The following DIS3L2 variants were observed in gnomAD, a reference collection of about 807,000 sequenced individuals.
DIS3L2 encodes DIS3-like exonuclease 2.
A neutral mutation model predicts 97.5 loss-of-function variants in DIS3L2; 34 were observed. The ratio of observed to expected loss-of-function variants is 0.35; its 90% CI spans 0.27 to 0.46. DIS3L2 has a LOEUF of 0.46. Among genes scored for constraint, DIS3L2 ranks in the 20% least tolerant of loss-of-function variants. DIS3L2 has a pLI of 1.00. For missense variants in DIS3L2, 1,038 were observed against 1,146.0 expected (o/e 0.91, Z 1.36); for synonymous variants, 435 against 445.2 (o/e 0.98, Z 0.29).
intron 7 of DIS3L2, 145 bp from the exon 8 acceptor site, chr2:232,136,327 A>G (rs895869184): frequency 4.1e-6 from 4 of 974,600 alleles, no homozygotes; most frequent in Non-Finnish European, 4.6e-6. Context: ...TTACTAAGTC[A>G]CAGATCATCA....
At position 232,255,888 on chromosome 2, in the gene DIS3L2, C is replaced by G. The variant is rs192188637; in HGVS notation, c.1425+6542C>G. Among the ~76,000 whole-genome samples, 5 of 152,340 alleles carry G rather than the reference C, an allele frequency of 3.3e-5. No individual in the cohort carries two copies. In the East Asian group the frequency reaches 7.7e-4, roughly 24 times the overall value. On this transcript the variant is annotated intron_variant, in intron 12 of 20. Transcript: ENST00000325385. The stretch of plus-strand genomic sequence containing the variant: ...CTCTCATGCTACATCTGCATCCAGT[C>G]TGCCAGTGTGTCATCGCTGCTTTGC...
intron 5 of DIS3L2, among the ~76,000 whole-genome samples, chr2:232,038,180 C>T (rs993671672): frequency 6.6e-6 from 1 of 152,098 alleles, no homozygotes; most frequent in Admixed American, 6.5e-5. Flanking sequence ...TTTCTTGAAT[C>T]TAGCATAGTG....
At chr2:232,002,336 C>A (rs543872843) in intron 1 of DIS3L2, among the ~76,000 whole-genome samples, 1 of 152,122 alleles carries the variant, frequency 6.6e-6, no homozygotes, top group South Asian at 2.1e-4. Flanking sequence ...CTCAAGATTG[C>A]TTTGCCTATT....
chr2:232,062,402 G>A (rs1695737648), intron 5 of DIS3L2, among the ~76,000 whole-genome samples: 3 of 152,174 alleles, frequency 2.0e-5, no homozygotes, highest in Non-Finnish European at 4.4e-5. Flanking sequence ...TTAGTATAGA[G>A]ATGCTCTTTG....
At chr2:232,183,895 T>C (rs987497810) in intron 9 of DIS3L2, among the ~76,000 whole-genome samples, 1 of 152,046 alleles carries the variant, frequency 6.6e-6, no homozygotes, top group African/African-American at 2.4e-5. Context: ...GTTTTTAGGG[T>C]GCTGTAAACC....
At chr2:232,248,964 A>G (rs1693339629) in intron 11 of DIS3L2, among the ~76,000 whole-genome samples, 1 of 152,366 alleles carries the variant, frequency 6.6e-6, no homozygotes, top group East Asian at 1.9e-4. Context: ...GGTTTAGTAG[A>G]TAATACAATG....
At position 232,333,889 on chromosome 2, in the gene DIS3L2, G is replaced by A. The variant is rs749596505; in HGVS notation, c.2060G>A (p.Arg687Gln). 1.7e-5 allele frequency: 28 copies of A among 1,612,730 alleles called. No individual in the cohort carries two copies. The highest frequency in any genetic ancestry group is 2.7e-5 in the African/African-American group (2 of 74,922). Residue 687 changes from arginine (R) to glutamine (Q), a missense_variant, in exon 17 of 21, where the codon CGG (arginine) becomes CAG (glutamine). Coordinates refer to ENST00000325385, the MANE Select transcript of DIS3L2 (RefSeq NM_152383.5). ...SGLLQDPAQF[R>Q]HYALNVPLYT... ...CTGCTGCAGGACCCAGCGCAGTTCC[G>A]GCACTACGCGCTCAATGTGCCCCTG... is the stretch of plus-strand genomic sequence containing the variant.
chr2:231,982,207 ATGT>A (rs1693283783), intron 1 of DIS3L2, among the ~76,000 whole-genome samples: 3 of 152,152 alleles, frequency 2.0e-5, no homozygotes, highest in African/African-American at 7.2e-5. Flanking sequence ...GTGGGGATTC[ATGT>A]TGTTAATATT....
intron 13 of DIS3L2, among the ~76,000 whole-genome samples, chr2:232,270,860 G>GTCCCCCTCTCTCTCTCTCTC (rs1491319157): frequency 9.6e-6 from 1 of 103,818 alleles, no homozygotes; most frequent in African/African-American, 3.6e-5. Context: ...TCTTTTTCTC[G>GTCCCCCTCTCTCTCTCTCTC]TCTCTCTCTC....
intron 1 of DIS3L2, among the ~76,000 whole-genome samples, chr2:231,997,925 C>T (rs2106199173): frequency 6.6e-6 from 1 of 152,294 alleles, no homozygotes; most frequent in South Asian, 2.1e-4. Flanking sequence ...ATTCCCCAAT[C>T]ATGCCCTTTT....
rs1168736536 is a variant in DIS3L2, at chr2:232,058,254, G to A, written c.366+28174G>A. On this transcript the variant is annotated intron_variant, in intron 5 of 20. Coordinates refer to ENST00000325385, the MANE Select transcript of DIS3L2 (RefSeq NM_152383.5). ...TTTTTCACTTTCTTATTTCAAAATT[G>A]ATGAAACTGGAATGTGCCTCAAGTT... Among the ~76,000 whole-genome samples, 4 of 152,132 alleles carry A rather than the reference G, an allele frequency of 2.6e-5. No individual in the cohort carries two copies. The East Asian group carries it at 5.8e-4, about 22-fold the overall frequency.
intron 5 of DIS3L2, among the ~76,000 whole-genome samples, chr2:232,035,501 T>C (rs1397830751): frequency 1.3e-5 from 2 of 152,228 alleles, no homozygotes; most frequent in Non-Finnish European, 2.9e-5. Flanking sequence ...CATTTACATT[T>C]AAGTTTAATA....
chr2:232,010,261 C>T (rs1489440170), intron 1 of DIS3L2, among the ~76,000 whole-genome samples: 1 of 152,016 alleles, frequency 6.6e-6, no homozygotes, highest in Non-Finnish European at 1.5e-5. Context: ...TATCCTTTCC[C>T]CTGCCCCCTC....
intron 11 of DIS3L2, among the ~76,000 whole-genome samples, chr2:232,245,836 C>G (rs1367192826): frequency 6.6e-6 from 1 of 152,178 alleles, no homozygotes; most frequent in East Asian, 1.9e-4. Flanking sequence ...GTAGCCAAAA[C>G]AGTGTAGCTT....
At position 232,336,512 on chromosome 2, in the gene DIS3L2, A is replaced by C; in HGVS notation, c.2540A>C (p.Glu847Ala). Residue 847 changes from glutamate (E) to alanine (A), a missense_variant, in exon 21 of 21, where the codon GAG becomes GCG. Transcript: ENST00000325385. ...CTGGTGGAGGTGGTCCTGCAGGCAGAGTCCACAGCCCTCAAGTACAGCGCC... is the reference window on the plus strand; with the variant it reads ...CTGGTGGAGGTGGTCCTGCAGGCAGCGTCCACAGCCCTCAAGTACAGCGCC... ...FSLVEVVLQA[E>A]STALKYSAIL... 6.2e-7 allele frequency: 1 copy of C among 1,611,408 alleles called. No individual in the cohort carries two copies. Among genetic ancestry groups the C allele is most frequent in the Non-Finnish European group, 8.5e-7 (1 of 1,179,914 alleles).
intron 10 of DIS3L2, among the ~76,000 whole-genome samples, chr2:232,220,447 G>A (rs900236336): frequency 6.6e-6 from 1 of 152,150 alleles, no homozygotes; most frequent in Non-Finnish European, 1.5e-5. Flanking sequence ...GATGGATCAT[G>A]CCTGTAATCC....
At chr2:232,011,510 G>A (rs1017212678) in intron 1 of DIS3L2, among the ~76,000 whole-genome samples, 5 of 151,780 alleles carry the variant, frequency 3.3e-5, no homozygotes, top group Admixed American at 3.3e-4. Flanking sequence ...GCACCACCAC[G>A]CACACTAATT....
intron 1 of DIS3L2, among the ~76,000 whole-genome samples, chr2:231,986,044 T>C (rs1693403730): frequency 6.6e-6 from 1 of 152,212 alleles, no homozygotes. Context: ...TTCAGTCCGC[T>C]CCTGGTGCCC....
chr2:232,314,127 T>C (rs1184240250), intron 14 of DIS3L2, among the ~76,000 whole-genome samples: 1 of 152,218 alleles, frequency 6.6e-6, no homozygotes, highest in Non-Finnish European at 1.5e-5. Flanking sequence ...TGGGCCTGCC[T>C]GTGGCCCTAA....
Sources: gnomAD v4.1 joint callset for allele counts (sites outside exome capture counted in the v4.1 genomes callset) on GRCh38, gnomAD v4.1.1 for gene constraint, MANE v1.5 for transcripts, NCBI Gene and HGNC (gene_info 2026-07-23, HGNC 2026-07-21) for gene names.